The following ITGA8 variants were observed in gnomAD, a reference collection of about 807,000 sequenced individuals.
ITGA8 encodes integrin subunit alpha 8.
Under a neutral mutation model 142.3 loss-of-function variants are expected in ITGA8, and 91 were observed. The ratio of observed to expected loss-of-function variants is 0.64; its 90% CI spans 0.54 to 0.76. ITGA8 has a LOEUF of 0.76. Among genes scored for constraint, ITGA8 ranks in the 30% least tolerant of loss-of-function variants. The pLI, the probability that ITGA8 is intolerant of heterozygous loss-of-function variation, is 0.00. For missense variants in ITGA8, 1,406 were observed against 1,327.7 expected (o/e 1.06, Z -0.92); for synonymous variants, 505 against 485.2 (o/e 1.04, Z -0.54).
At chr10:15,636,506 C>T (rs1588689584) in intron 13 of ITGA8, among the ~76,000 whole-genome samples, 3 of 152,100 alleles carry the variant, frequency 2.0e-5, no homozygotes, top group Admixed American at 6.5e-5. Flanking sequence ...AAAATTATTC[C>T]ACACATTATT....
intron 27 of ITGA8, among the ~76,000 whole-genome samples, chr10:15,537,622 A>C (rs1404580462): frequency 6.6e-6 from 1 of 152,180 alleles, no homozygotes; most frequent in Non-Finnish European, 1.5e-5. Flanking sequence ...CGTGTATGGA[A>C]CTGAAGTGTG....
At chr10:15,600,095 A>G (rs1207537429) in intron 20 of ITGA8, among the ~76,000 whole-genome samples, 2 of 152,240 alleles carry the variant, frequency 1.3e-5, no homozygotes, top group African/African-American at 4.8e-5. Flanking sequence ...CTGTTATAAG[A>G]ATGAAATACA....
rs758795454 is a variant in ITGA8, at chr10:15,613,646, C to T, written c.1553+14G>A. On this transcript the variant is annotated intron_variant, in intron 15 of 29. Coordinates refer to ENST00000378076, the MANE Select transcript of ITGA8 (RefSeq NM_003638.3). Reference sequence around the variant, plus strand: ...AATTCACATTGGAGTTTGAGAAGCACCGGACTAACTCACCAGGCAGCAGAT... The same window carrying T: ...AATTCACATTGGAGTTTGAGAAGCATCGGACTAACTCACCAGGCAGCAGAT... 1 of 1,541,538 alleles carries T rather than the reference C, an allele frequency of 6.5e-7. No individual in the cohort carries two copies. The highest frequency in any genetic ancestry group is 9.0e-7 in the Non-Finnish European group (1 of 1,114,228).
At chr10:15,630,311 C>CTGGTTTAT (rs1453493115) in intron 13 of ITGA8, among the ~76,000 whole-genome samples, 1 of 152,038 alleles carries the variant, frequency 6.6e-6, no homozygotes, top group Non-Finnish European at 1.5e-5. Context: ...TGGAAGGATG[C>CTGGTTTAT]TGGTTTATTT....
At position 15,708,678 on chromosome 10, in the gene ITGA8, G is replaced by A. The variant is rs565462036; in HGVS notation, c.343+10088C>T. 2.0e-5 allele frequency among the ~76,000 whole-genome samples: 3 copies of A among 152,252 alleles called. No homozygotes were observed. In the East Asian group the frequency reaches 5.8e-4, roughly 29 times the overall value. On this transcript the variant is annotated intron_variant, in intron 2 of 29. Coordinates refer to ENST00000378076, the MANE Select transcript of ITGA8 (RefSeq NM_003638.3). ...TTTTAAAGATGGTAGATACAATTTC[G>A]ATAGGTGCAGTTAAGTAAAGTTTTC...
intron 11 of ITGA8, among the ~76,000 whole-genome samples, chr10:15,649,210 TA>T (rs1407524054): frequency 6.6e-6 from 1 of 152,072 alleles, no homozygotes; most frequent in Non-Finnish European, 1.5e-5. Context: ...AAAGAATTCT[TA>T]AAAATTAACC....
At chr10:15,627,883 T>C (rs1312016524) in intron 13 of ITGA8, among the ~76,000 whole-genome samples, 1 of 151,516 alleles carries the variant, frequency 6.6e-6, no homozygotes, top group Non-Finnish European at 1.5e-5. Context: ...CAGCACAAGA[T>C]ACAGGTCACA....
intron 2 of ITGA8, among the ~76,000 whole-genome samples, chr10:15,689,670 C>T (rs916362881): frequency 1.3e-5 from 2 of 152,228 alleles, no homozygotes; most frequent in South Asian, 4.1e-4. Context: ...ACAGGAGCCA[C>T]TGCTAGAGTG....
chr10:15,637,324 G>A (rs770658602), intron 13 of ITGA8, among the ~76,000 whole-genome samples: 1 of 151,708 alleles, frequency 6.6e-6, no homozygotes, highest in African/African-American at 2.4e-5. Context: ...ATCCTCTCCC[G>A]CCCTAGAAAG....
At chr10:15,715,065 C>T (rs944399287) in intron 2 of ITGA8, among the ~76,000 whole-genome samples, 2 of 152,046 alleles carry the variant, frequency 1.3e-5, no homozygotes, top group Non-Finnish European at 2.9e-5. Context: ...AATTTGGGGC[C>T]ACTACTTAGT....
chr10:15,555,603 T>C (rs1334603335), intron 26 of ITGA8, among the ~76,000 whole-genome samples: 2 of 152,116 alleles, frequency 1.3e-5, no homozygotes, highest in Non-Finnish European at 2.9e-5. Context: ...AGGTGTCTAA[T>C]GGCTTTCAAC....
chr10:15,663,601 T>C (rs990164198), intron 8 of ITGA8, among the ~76,000 whole-genome samples: 4 of 151,458 alleles, frequency 2.6e-5, no homozygotes, highest in African/African-American at 9.7e-5. Flanking sequence ...GAGATCTGAG[T>C]CTGTCACCCA....
intron 27 of ITGA8, among the ~76,000 whole-genome samples, chr10:15,547,055 G>T (rs1833686813): frequency 6.6e-6 from 1 of 151,926 alleles, no homozygotes; most frequent in African/African-American, 2.4e-5. Flanking sequence ...TAGACTCAAA[G>T]GGATTTGACC....
intron 28 of ITGA8, among the ~76,000 whole-genome samples, chr10:15,529,041 C>CTCCTTCCT (rs1056842706): frequency 2.5e-4 from 36 of 145,754 alleles, no homozygotes; most frequent in African/African-American, 9.3e-4. Flanking sequence ...CCCTTCCTTT[C>CTCCTTCCT]TCCTTCCTTC....
chr10:15,672,852 T>A, intron 6 of ITGA8, 103 bp from the exon 7 acceptor site: 1 of 1,287,036 alleles, frequency 7.8e-7, no homozygotes, highest in East Asian at 2.7e-5. Context: ...ATTGCTTGCT[T>A]TTTTGATGAT....
chr10:15,541,431 C>G (rs148238223), intron 27 of ITGA8, among the ~76,000 whole-genome samples: 40 of 152,320 alleles, frequency 2.6e-4, no homozygotes, highest in Middle Eastern at 3.4e-3. Flanking sequence ...TTCTTGTTCA[C>G]TTTGTTCAAA....
chr10:15,706,060 G>A (rs1835252073), intron 2 of ITGA8, among the ~76,000 whole-genome samples: 1 of 152,068 alleles, frequency 6.6e-6, no homozygotes, highest in Admixed American at 6.6e-5. Flanking sequence ...TCTTGCCTGA[G>A]CTCTCAGTTT....
At chr10:15,712,885 C>T (rs572206531) in intron 2 of ITGA8, among the ~76,000 whole-genome samples, 16 of 152,344 alleles carry the variant, frequency 1.1e-4, no homozygotes, top group South Asian at 8.3e-4. Context: ...AGAGCCTACA[C>T]GGAATATTCC....
Position 15,672,662 on chromosome 10 carries a change from G to C in ITGA8, c.764C>G (p.Thr255Arg). 1 of 1,613,748 alleles carries C rather than the reference G, an allele frequency of 6.2e-7. No homozygotes were observed. The highest frequency in any genetic ancestry group is 1.7e-4 in the Middle Eastern group (1 of 6,060). The change falls in exon 7 of 30, where the codon ACG becomes AGG. Residue 255 changes from threonine (T) to arginine (R), a missense_variant. By Grantham distance (71) the Thr-to-Arg change is moderately conservative. Transcript: ENST00000378076. The part of the protein sequence containing the change: ...ILRKLAGEKQ[T>R]EVAPASYDDS... ...ATCATAGGAAGCTGGAGCCACTTCC[G>C]TCTGCTTTTCTCCTGCCAGTTTCCT...
Sources: gnomAD v4.1 joint callset for allele counts (sites outside exome capture counted in the v4.1 genomes callset) on GRCh38, gnomAD v4.1.1 for gene constraint, MANE v1.5 for transcripts, NCBI Gene and HGNC (gene_info 2026-07-23, HGNC 2026-07-21) for gene names.